The following FBXW7 variants were observed in gnomAD, a reference collection of about 807,000 sequenced individuals.
FBXW7 encodes the protein F-box and WD repeat domain containing 7, also known as F-box/WD repeat-containing protein 7.
In FBXW7, 11 loss-of-function variants were observed where a neutral mutation model predicts 86.3. The ratio of observed to expected loss-of-function variants is 0.13; its 90% CI spans 0.08 to 0.21. The LOEUF (loss-of-function observed/expected upper bound fraction) is 0.21, where lower values mean the gene tolerates loss of function less well. Ranked by LOEUF, FBXW7 falls within the 10% of genes least tolerant of loss-of-function variation. The pLI, the probability that FBXW7 is intolerant of heterozygous loss-of-function variation, is 1.00. For missense variants in FBXW7, 488 were observed against 847.4 expected (o/e 0.58, Z 5.27); for synonymous variants, 313 against 297.9 (o/e 1.05, Z -0.52).
intron 4 of FBXW7, among the ~76,000 whole-genome samples, chr4:152,390,165 T>A (rs1735876005): frequency 6.6e-6 from 1 of 151,774 alleles, no homozygotes; most frequent in Non-Finnish European, 1.5e-5. Flanking sequence ...GCATATAGAG[T>A]ATATTTGACT....
At chr4:152,377,719 C>T (rs965606728) in intron 4 of FBXW7, among the ~76,000 whole-genome samples, 2 of 147,638 alleles carry the variant, frequency 1.4e-5, no homozygotes, top group African/African-American at 5.0e-5. Flanking sequence ...AAGCTAAGAT[C>T]GCACCAGCCT....
At chr4:152,476,755 G>A (rs1442712526) in intron 2 of FBXW7, among the ~76,000 whole-genome samples, 1 of 152,068 alleles carries the variant, frequency 6.6e-6, no homozygotes, top group East Asian at 1.9e-4. Context: ...AAATATTATT[G>A]GGAGACAATT....
At chr4:152,360,049 T>C (rs1198578454) in intron 4 of FBXW7, among the ~76,000 whole-genome samples, 1 of 152,216 alleles carries the variant, frequency 6.6e-6, no homozygotes, top group Non-Finnish European at 1.5e-5. Flanking sequence ...TAATCACTGG[T>C]CTTACAAGGT....
intron 4 of FBXW7, among the ~76,000 whole-genome samples, chr4:152,410,213 A>G (rs115290807): frequency 1.2e-3 from 190 of 152,244 alleles, no homozygotes; most frequent in Non-Finnish European, 2.0e-3. Context: ...CTATTCCTCT[A>G]ACTGAACCCT....
rs1236246885 is a variant in FBXW7 at position 152,389,652 on chromosome 4, G to A, written c.501+21651C>T. Among the ~76,000 whole-genome samples the A allele has an allele frequency of 3.3e-5, 5 of 151,878 alleles. No individual in the cohort carries two copies. In the East Asian group the frequency reaches 5.8e-4, roughly 18 times the overall value. On this transcript the variant is annotated intron_variant, in intron 4 of 13. Transcript: ENST00000281708. ...GCTGAGAGATGAGAAATCACTTAAC[G>A]GGTACAATGTATACTATTTGGGTGA...
At chr4:152,421,800 TG>T (rs747485783) in intron 2 of FBXW7, among the ~76,000 whole-genome samples, 1 of 152,114 alleles carries the variant, frequency 6.6e-6, no homozygotes, top group Admixed American at 6.6e-5. Flanking sequence ...AAAAGAGAGA[TG>T]GGAACAGCTG....
chr4:152,408,174 C>T (rs758627505), intron 4 of FBXW7, among the ~76,000 whole-genome samples: 38 of 152,114 alleles, frequency 2.5e-4, no homozygotes, highest in Non-Finnish European at 4.9e-4. Context: ...ATGGAAGCAT[C>T]AGAAATTAAT....
At chr4:152,355,451 AT>A (rs1005088199) in intron 4 of FBXW7, among the ~76,000 whole-genome samples, 1 of 152,142 alleles carries the variant, frequency 6.6e-6, no homozygotes, top group African/African-American at 2.4e-5. Context: ...GGTCAACCAA[AT>A]AGCTAAGAAA....
Position 152,352,940 on chromosome 4 carries a change from G to A in FBXW7, c.502-2816C>T, listed in dbSNP as rs906353611. On this transcript the variant is annotated intron_variant, in intron 4 of 13. Coordinates refer to ENST00000281708, the MANE Select transcript of FBXW7 (RefSeq NM_001349798.2). ...CTGCACATCAATTATATGGTGATCC[G>A]CTCCAGGGAACCCGTAAGAACACAA... is the stretch of plus-strand genomic sequence containing the variant. 8.5e-6 allele frequency: 12 copies of A among 1,403,956 alleles called. No individual in the cohort carries two copies. The Admixed American group carries it at 1.2e-4, about 14-fold the overall frequency. 87.0% of individuals were successfully genotyped at this position (1,403,956 alleles called of 1,614,324 possible). A position where few individuals can be genotyped will look rare whatever the true frequency, so the allele number is the denominator to read the frequency against.
intron 2 of FBXW7, among the ~76,000 whole-genome samples, chr4:152,504,630 A>G (rs753477429): frequency 6.6e-6 from 1 of 152,158 alleles, no homozygotes; most frequent in Non-Finnish European, 1.5e-5. Flanking sequence ...TTGGTACTTA[A>G]TTCAGGTAGC....
At chr4:152,386,257 G>A (rs1735520957) in intron 4 of FBXW7, among the ~76,000 whole-genome samples, 2 of 152,020 alleles carry the variant, frequency 1.3e-5, no homozygotes, top group Admixed American at 1.3e-4. Flanking sequence ...TGATAGGTAG[G>A]AACATGGACT....
At chr4:152,336,325 CAA>C (rs1033361330) in intron 7 of FBXW7, among the ~76,000 whole-genome samples, 1 of 151,966 alleles carries the variant, frequency 6.6e-6, no homozygotes, top group African/African-American at 2.4e-5. Context: ...TTAGATTTTT[CAA>C]AATACTTTCA....
At chr4:152,489,575 A>T (rs961954578) in intron 2 of FBXW7, among the ~76,000 whole-genome samples, 1 of 152,140 alleles carries the variant, frequency 6.6e-6, no homozygotes, top group African/African-American at 2.4e-5. Context: ...TTAGTCAACT[A>T]TTTTTAAACC....
Position 152,346,962 on chromosome 4 carries a change from T to G in FBXW7, c.694A>C (p.Thr232Pro), listed in dbSNP as rs1248128867. ...ATTTTTAGCCATTCCTGGAGGCCTG[T>G]AGGTGGCTGGACAGATGTAATTCGG... is the stretch of plus-strand genomic sequence containing the variant. ...RRRITSVQPP[T>P]GLQEWLKMFQ... is the part of the protein sequence containing the mutation. The change falls in exon 6 of 14, where the codon ACA becomes CCA. Residue 232 changes from threonine to proline, a missense_variant. Thr to Pro is a conservative substitution (Grantham distance 38). Coordinates refer to ENST00000281708, the MANE Select transcript of FBXW7 (RefSeq NM_001349798.2). The G allele has an allele frequency of 6.2e-7, 1 of 1,613,742 alleles. No homozygotes were observed.
At chr4:152,528,163 C>T (rs1749696936) in intron 2 of FBXW7, among the ~76,000 whole-genome samples, 2 of 152,118 alleles carry the variant, frequency 1.3e-5, no homozygotes, top group African/African-American at 4.8e-5. Flanking sequence ...TACAGGTACA[C>T]AGACAGACAG....
intron 2 of FBXW7, among the ~76,000 whole-genome samples, chr4:152,440,700 A>C (rs1275299079): frequency 6.6e-6 from 1 of 152,166 alleles, no homozygotes; most frequent in Non-Finnish European, 1.5e-5. Flanking sequence ...AGCTAACAAA[A>C]AAGGGGAGAA....
intron 4 of FBXW7, among the ~76,000 whole-genome samples, chr4:152,405,527 TATCTGTATTGAG>T (rs1219890297): frequency 6.6e-6 from 1 of 152,216 alleles, no homozygotes; most frequent in Admixed American, 6.5e-5. Context: ...GGGCACCAGA[TATCTGTATTGAG>T]GTTATTATCT....
chr4:152,374,497 A>C (rs1487058922), intron 4 of FBXW7, among the ~76,000 whole-genome samples: 2 of 152,114 alleles, frequency 1.3e-5, no homozygotes, highest in African/African-American at 4.8e-5. Context: ...AACAAAAACA[A>C]GCCACATTCT....
chr4:152,366,715 A>G (rs2126719259), intron 4 of FBXW7, among the ~76,000 whole-genome samples: 1 of 152,322 alleles, frequency 6.6e-6, no homozygotes, highest in South Asian at 2.1e-4. Flanking sequence ...CCATTGTGGA[A>G]GACAGTGTGG....
Sources: gnomAD v4.1 joint callset for allele counts (sites outside exome capture counted in the v4.1 genomes callset) on GRCh38, gnomAD v4.1.1 for gene constraint, MANE v1.5 for transcripts, NCBI Gene and HGNC (gene_info 2026-07-23, HGNC 2026-07-21) for gene names.